Variants in CTNNA3 observed in about 807,000 individuals in gnomAD.
The protein encoded by CTNNA3 is catenin alpha-3.
Under a neutral mutation model 95.7 loss-of-function variants are expected in CTNNA3, and 76 were observed. The observed-to-expected ratio is 0.79, with a 90% CI of 0.66 to 0.96. The LOEUF is 0.96. CTNNA3 is among the 40% of genes least tolerant of loss of function. The pLI is 0.00. For missense variants in CTNNA3, 1,191 were observed against 1,089.8 expected, an observed-to-expected ratio of 1.09 and a Z score of -1.31; for synonymous variants, 431 against 374.4, an observed-to-expected ratio of 1.15 and a Z score of -1.74.
At chr10:66,141,232 C>A (rs1384131769) in intron 13 of CTNNA3, among the ~76,000 whole-genome samples, 2 of 150,134 alleles carry the variant, frequency 1.3e-5, no homozygotes, top group Non-Finnish European at 3.0e-5. Flanking sequence ...TGACTCTAGC[C>A]TGGCAATAGA....
chr10:66,671,026 G>A (rs899360369), intron 9 of CTNNA3, among the ~76,000 whole-genome samples: 17 of 152,246 alleles, frequency 1.1e-4, no homozygotes, highest in Admixed American at 7.2e-4. Context: ...AACAGGACTT[G>A]GATTTCTTGG....
chr10:65,998,487 A>G (rs1455094700), intron 15 of CTNNA3, among the ~76,000 whole-genome samples: 1 of 152,122 alleles, frequency 6.6e-6, no homozygotes, highest in Non-Finnish European at 1.5e-5. Flanking sequence ...ACCACACTGA[A>G]TTTCTCGGTT....
intron 7 of CTNNA3, among the ~76,000 whole-genome samples, chr10:66,948,204 A>G (rs950150240): frequency 2.0e-5 from 3 of 152,202 alleles, no homozygotes; most frequent in Non-Finnish European, 2.9e-5. Flanking sequence ...GAAATTCTCA[A>G]ATTATGCCCA....
chr10:66,972,868 G>A (rs1007306756), intron 7 of CTNNA3, among the ~76,000 whole-genome samples: 2 of 151,558 alleles, frequency 1.3e-5, no homozygotes, highest in Non-Finnish European at 2.9e-5. Flanking sequence ...CTGCCACCAC[G>A]CCTGGCTAAT....
chr10:66,053,707 A>T (rs2080011531), intron 15 of CTNNA3, among the ~76,000 whole-genome samples: 2 of 152,210 alleles, frequency 1.3e-5, no homozygotes, highest in South Asian at 4.1e-4. Context: ...AGCATATAAC[A>T]TATAATGATT....
At chr10:67,635,318 C>A (rs1320511988) in intron 2 of CTNNA3, among the ~76,000 whole-genome samples, 5 of 152,170 alleles carry the variant, frequency 3.3e-5, no homozygotes. Flanking sequence ...CTAACTCATT[C>A]TATGAGGCCA....
intron 16 of CTNNA3, among the ~76,000 whole-genome samples, chr10:65,982,154 A>G (rs2078332973): frequency 6.6e-6 from 1 of 151,672 alleles, no homozygotes; most frequent in Non-Finnish European, 1.5e-5. Context: ...ATCAGCAAGA[A>G]AAAAAATCCC....
intron 7 of CTNNA3, among the ~76,000 whole-genome samples, 171 bp from the exon 8 acceptor site, chr10:66,775,695 G>A (rs1366765073): frequency 6.6e-6 from 1 of 152,130 alleles, no homozygotes; most frequent in African/African-American, 2.4e-5. Context: ...GTAGAATGGT[G>A]ATTAAAGCTC....
chr10:65,924,554 G>A (rs1017468541), intron 17 of CTNNA3, among the ~76,000 whole-genome samples: 2 of 152,084 alleles, frequency 1.3e-5, no homozygotes, highest in Admixed American at 6.6e-5. Flanking sequence ...TTTCAATCTC[G>A]ATCATTCTAC....
At chr10:67,413,381 G>A (rs76198509) in intron 5 of CTNNA3, among the ~76,000 whole-genome samples, 2,499 of 152,118 alleles carry the variant, frequency 0.016, 74 homozygotes, top group African/African-American at 0.056. Flanking sequence ...GATACAGTCC[G>A]ACAAGAAGCC....
chr10:67,396,001 A>T (rs950012626), intron 5 of CTNNA3, among the ~76,000 whole-genome samples: 4 of 152,212 alleles, frequency 2.6e-5, no homozygotes, highest in African/African-American at 9.6e-5. Flanking sequence ...ATTAACATTT[A>T]AAAACATCAC....
At chr10:67,416,628 A>C (rs1173413499) in intron 5 of CTNNA3, among the ~76,000 whole-genome samples, 3 of 149,968 alleles carry the variant, frequency 2.0e-5, no homozygotes, top group Non-Finnish European at 4.5e-5. Context: ...AAAAAAAAAA[A>C]AAACAAGTGG....
chr10:66,918,381 C>G (rs1387393411), intron 7 of CTNNA3, among the ~76,000 whole-genome samples: 1 of 152,202 alleles, frequency 6.6e-6, no homozygotes, highest in African/African-American at 2.4e-5. Flanking sequence ...CAACTTTACT[C>G]TAAGCTCTAA....
intron 2 of CTNNA3, among the ~76,000 whole-genome samples, chr10:67,620,221 G>A (rs1031749848): frequency 2.6e-5 from 4 of 151,950 alleles, no homozygotes; most frequent in African/African-American, 4.8e-5. Context: ...ACAAAAGAAC[G>A]CCCCACAAAG....
chr10:66,097,328 C>T (rs2081435439), intron 14 of CTNNA3, among the ~76,000 whole-genome samples: 1 of 152,102 alleles, frequency 6.6e-6, no homozygotes, highest in Non-Finnish European at 1.5e-5. Context: ...CAAAGCACAT[C>T]AGGAGCACAC....
intron 9 of CTNNA3, among the ~76,000 whole-genome samples, chr10:66,676,364 G>A (rs2132486743): frequency 6.6e-6 from 1 of 152,184 alleles, no homozygotes; most frequent in East Asian, 1.9e-4. Context: ...TTAATAGCCA[G>A]GTGTTATGCT....
intron 13 of CTNNA3, among the ~76,000 whole-genome samples, chr10:66,183,204 A>C (rs1276308968): frequency 1.3e-5 from 2 of 152,244 alleles, no homozygotes; most frequent in Non-Finnish European, 2.9e-5. Context: ...CCAAGGGCCA[A>C]ATCTGGCTCT....
At chr10:65,979,538 G>T (rs968095078) in intron 16 of CTNNA3, among the ~76,000 whole-genome samples, 1 of 151,988 alleles carries the variant, frequency 6.6e-6, no homozygotes, top group Non-Finnish European at 1.5e-5. Context: ...TGGTTATTTG[G>T]AATTTTTGAT....
At position 67,720,670 on chromosome 10, in the gene CTNNA3, T is replaced by C. The variant is rs558423812; in HGVS notation, c.-2+42764A>G. ...TTGAAAATTCTTTTCTTTAAGAATG[T>C]TAGCTGGGCATGGTGGCTCATGCCT... On this transcript the variant is annotated intron_variant, in intron 1 of 17. Transcript: ENST00000684154. 3.3e-5 allele frequency among the ~76,000 whole-genome samples: 5 copies of C among 152,244 alleles called. No homozygotes were observed. In the East Asian group the frequency reaches 9.7e-4, roughly 29 times the overall value.
Sources: allele counts gnomAD v4.1 joint callset (sites outside exome capture counted in the v4.1 genomes callset), GRCh38; gene constraint gnomAD v4.1.1; transcripts MANE v1.5; gene names NCBI Gene and HGNC (gene_info 2026-07-23, HGNC 2026-07-21).